The following HAUS6 variants were observed in gnomAD, a reference collection of about 807,000 sequenced individuals.
HAUS6 encodes HAUS augmin-like complex subunit 6.
A neutral mutation model predicts 106.8 loss-of-function variants in HAUS6; 80 were observed. The ratio of observed to expected loss-of-function variants is 0.75; its 90% confidence interval spans 0.63 to 0.90. The LOEUF is 0.90. HAUS6 is among the 40% of genes least tolerant of loss of function. The pLI is 0.00. For missense variants in HAUS6, 1,155 were observed against 1,118.1 expected, an observed-to-expected ratio of 1.03 and a Z score of -0.47; for synonymous variants, 356 against 379.1, an observed-to-expected ratio of 0.94 and a Z score of 0.71.
chr9:19,063,320 T>G lies in HAUS6; in HGVS notation c.1444-127A>C, dbSNP rs1270801329. Reference sequence around the variant, plus strand: ...TTGTTAATACTATTGTGAAATTGTATGTCACTGGCAGAATTAACTAATTCC... The same window carrying G: ...TTGTTAATACTATTGTGAAATTGTAGGTCACTGGCAGAATTAACTAATTCC... On this transcript the variant is annotated intron_variant, in intron 13 of 16. Coordinates refer to ENST00000380502, the MANE Select transcript of HAUS6 (RefSeq NM_017645.5). 1.7e-5 allele frequency: 12 copies of G among 699,350 alleles called. No homozygotes were observed. In the African/African-American group the frequency reaches 1.8e-4, roughly 11 times the overall value. The allele number at this position is 699,350 out of a possible 1,614,324, so 43.3% of individuals were successfully genotyped here.
At position 19,058,392 on chromosome 9, in the gene HAUS6, G is replaced by A; in HGVS notation, c.2375C>T (p.Ser792Phe). The change falls in exon 16 of 17, where the codon TCC becomes TTC. Residue 792 changes from serine (S) to phenylalanine (F), a missense_variant. Ser to Phe is a radical substitution (Grantham distance 155). Around this residue, in one of 3 missense-constraint regions of HAUS6, gnomAD observed 380 missense variants for 394.8 expected, o/e 0.96. Transcript: ENST00000380502. ...TTTAAAATTGGCCTCTGAACTACTGGAACTATTAAAACTTAGATGACCAAC... is the reference window on the plus strand; with the variant it reads ...TTTAAAATTGGCCTCTGAACTACTGAAACTATTAAAACTTAGATGACCAAC... ...EEVGHLSFNS[S>F]SSSEANFKLE... 1 of 1,613,806 alleles carries A rather than the reference G, an allele frequency of 6.2e-7. No homozygotes were observed. Among genetic ancestry groups the A allele is most frequent in the Non-Finnish European group, 8.5e-7 (1 of 1,179,806 alleles).
chr9:19,078,122 A>G, intron 10 of HAUS6, 54 bp downstream of exon 10: 1 of 1,457,218 alleles, frequency 6.9e-7, no homozygotes, highest in African/African-American at 1.4e-5. Flanking sequence ...CTGTCTCAAA[A>G]AAAAAAAAAA....
intron 1 of HAUS6, among the ~76,000 whole-genome samples, chr9:19,101,963 G>C (rs1294042668): frequency 6.6e-6 from 1 of 152,172 alleles, no homozygotes; most frequent in Non-Finnish European, 1.5e-5. Context: ...TGATTAAATA[G>C]AGATACTGGC....
intron 5 of HAUS6, among the ~76,000 whole-genome samples, chr9:19,087,646 G>A (rs533734538): frequency 3.3e-5 from 5 of 152,156 alleles, no homozygotes; most frequent in Admixed American, 6.5e-5. Context: ...CTTCAGGCCA[G>A]GAGTTTGAGA....
Position 19,053,757 on chromosome 9 carries a change from C to G in HAUS6, c.*2586G>C, listed in dbSNP as rs1205402613. The G allele has an allele frequency of 6.6e-6, 1 of 152,262 alleles. No homozygotes were observed. The highest frequency in any genetic ancestry group is 1.9e-4 in the East Asian group (1 of 5,192). The allele number at this position is 152,262 out of a possible 1,614,324, so 9.4% of individuals were successfully genotyped here. On this transcript the variant is annotated 3_prime_UTR_variant, in exon 17 of 17. Transcript: ENST00000380502. ...CCACTTAGAGTAATAAATTAGCCCT[C>G]TTTACCATTTATTCCATGATATAGG...
intron 12 of HAUS6, among the ~76,000 whole-genome samples, chr9:19,065,728 C>G (rs1423655462): frequency 1.3e-5 from 2 of 151,868 alleles, no homozygotes; most frequent in East Asian, 3.9e-4. Flanking sequence ...GTAATCCCAG[C>G]TACTCGGGAG....
At chr9:19,077,719 T>C (rs1209533630) in intron 10 of HAUS6, among the ~76,000 whole-genome samples, 4 of 152,074 alleles carry the variant, frequency 2.6e-5, no homozygotes, top group African/African-American at 4.8e-5. Flanking sequence ...TCTAGGTCAT[T>C]TGTAACACAA....
intron 8 of HAUS6, 38 bp downstream of exon 8, chr9:19,082,835 G>A: frequency 2.9e-6 from 3 of 1,030,452 alleles, no homozygotes; most frequent in Non-Finnish European, 4.1e-6. Context: ...TACATGATAG[G>A]AGTTTTCTCA....
At chr9:19,096,049 TTTAA>T (rs1283001644) in intron 2 of HAUS6, among the ~76,000 whole-genome samples, 1 of 152,198 alleles carries the variant, frequency 6.6e-6, no homozygotes, top group Non-Finnish European at 1.5e-5. Flanking sequence ...ATTGATATCA[TTTAA>T]TTGTTTTGCT....
At position 19,080,519 on chromosome 9, in the gene HAUS6, T is replaced by C. The variant is rs753842997; in HGVS notation, c.1024A>G (p.Lys342Glu). 6 of 1,609,018 alleles carry C rather than the reference T, an allele frequency of 3.7e-6. No individual in the cohort carries two copies. The African/African-American group carries it at 6.7e-5, about 18-fold the overall frequency. The change falls in exon 9 of 17, where the codon AAA (lysine) becomes GAA (glutamate). Residue 342 changes from lysine (K) to glutamate (E), a missense_variant. Lys to Glu is a moderately conservative substitution (Grantham distance 56). Coordinates refer to ENST00000380502, the MANE Select transcript of HAUS6 (RefSeq NM_017645.5). ...TCTGATAATCTTTCCTTCTGAAATTTGGTCTCTTTTTCAAGGTAGTGAAGG... is the reference window on the plus strand; with the variant it reads ...TCTGATAATCTTTCCTTCTGAAATTCGGTCTCTTTTTCAAGGTAGTGAAGG... ...VDLHYLEKET[K>E]FQKERLSDLK...
chr9:19,066,428 T>C (rs1836761118), intron 12 of HAUS6, among the ~76,000 whole-genome samples: 1 of 152,132 alleles, frequency 6.6e-6, no homozygotes. Flanking sequence ...GAGACTAGAA[T>C]TCAATTTCTA....
chr9:19,084,360 G>A (rs565504638), intron 7 of HAUS6, among the ~76,000 whole-genome samples: 2 of 152,152 alleles, frequency 1.3e-5, no homozygotes, highest in Non-Finnish European at 2.9e-5. Flanking sequence ...CCCCGTGGGG[G>A]CAAACAGTGT....
chr9:19,060,016 C>A (rs778064096), intron 15 of HAUS6, 72 bp downstream of exon 15: 110 of 1,214,176 alleles, frequency 9.1e-5, no homozygotes, highest in Non-Finnish European at 1.2e-4. Flanking sequence ...CTAAAAAGAT[C>A]TGTCAGGCCA....
At chr9:19,078,430 C>T in intron 9 of HAUS6, 128 bp from the exon 10 acceptor site, 2 of 591,214 alleles carry the variant, frequency 3.4e-6, no homozygotes, top group Non-Finnish European at 6.0e-6. Context: ...CAATATACCA[C>T]ATATAAATTA....
At chr9:19,091,796 G>T (rs1450054731) in intron 4 of HAUS6, among the ~76,000 whole-genome samples, 2 of 152,034 alleles carry the variant, frequency 1.3e-5, no homozygotes, top group Non-Finnish European at 2.9e-5. Context: ...CAAGTAGCTG[G>T]GATTACAGGT....
At chr9:19,101,410 G>C (rs1050060968) in intron 1 of HAUS6, among the ~76,000 whole-genome samples, 1 of 152,014 alleles carries the variant, frequency 6.6e-6, no homozygotes, top group Non-Finnish European at 1.5e-5. Flanking sequence ...AGGATCGCCT[G>C]AGCCCAGGAG....
intron 11 of HAUS6, among the ~76,000 whole-genome samples, chr9:19,072,783 CAA>C (rs1217178244): frequency 6.6e-6 from 1 of 151,484 alleles, no homozygotes; most frequent in Admixed American, 6.6e-5. Flanking sequence ...AAGAATAGAC[CAA>C]AAAAGTCATT....
chr9:19,086,620 CAAAA>C (rs372363190), intron 7 of HAUS6, 110 bp downstream of exon 7: 902 of 368,334 alleles, frequency 2.4e-3, no homozygotes, highest in Middle Eastern at 4.3e-3. Flanking sequence ...ACTCCAACTC[CAAAA>C]AAAAAAAAAA....
chr9:19,090,990 A>G (rs1441999237), intron 4 of HAUS6, among the ~76,000 whole-genome samples: 1 of 152,158 alleles, frequency 6.6e-6, no homozygotes, highest in Non-Finnish European at 1.5e-5. Context: ...TCCAGGTTCT[A>G]GCATTGCCTC....
Sources: gnomAD v4.1 joint callset for allele counts (sites outside exome capture counted in the v4.1 genomes callset) on GRCh38, gnomAD v4.1.1 for gene constraint, gnomAD v4.1.1 regional missense constraint, MANE v1.5 for transcripts, NCBI Gene and HGNC (gene_info 2026-07-23, HGNC 2026-07-21) for gene names.